Variants in MRPL21 observed in about 807,000 individuals in gnomAD.
MRPL21 encodes mitochondrial ribosomal protein L21, also known as large ribosomal subunit protein bL21m.
MRPL21 carries 20 observed loss-of-function variants against 27.3 expected under a neutral mutation model. That is an observed-to-expected ratio of 0.73 (90% confidence interval 0.52 to 1.06). The LOEUF is 1.06. Ranked by LOEUF, MRPL21 falls within the 50% of genes least tolerant of loss-of-function variation. The probability of loss-of-function intolerance (pLI) is 0.00; values close to 1 mark genes in which losing one functional copy is unlikely to be tolerated. For missense variants in MRPL21, 249 were observed against 251.4 expected, an observed-to-expected ratio of 0.99 and a Z score of 0.06; for synonymous variants, 98 against 101.5, an observed-to-expected ratio of 0.97 and a Z score of 0.21.
rs766559961 is a variant in MRPL21 at position 68,891,402 on chromosome 11, G to C, written c.554-7C>G. On this transcript the variant is annotated splice_polypyrimidine_tract_variant and splice_region_variant and intron_variant, in intron 6 of 6. Coordinates refer to ENST00000362034, the MANE Select transcript of MRPL21 (RefSeq NM_181514.2). ...GTCTGCGGGGTCGTGACGACTGAAA[G>C]AAAGGATGTCACAGGCTTGACCACA... is the stretch of plus-strand genomic sequence containing the variant. 4.9e-5 allele frequency: 79 copies of C among 1,613,822 alleles called. No individual in the cohort carries two copies. Among genetic ancestry groups the C allele is most frequent in the Non-Finnish European group, 6.5e-5 (77 of 1,179,946 alleles).
chr11:68,891,477 C>T, intron 6 of MRPL21, 82 bp from the exon 7 acceptor site: 1 of 1,416,268 alleles, frequency 7.1e-7, no homozygotes, highest in Non-Finnish European at 1.0e-6. Context: ...ACACAGCCCT[C>T]CCCAGCCAGC....
chr11:68,902,707 T>C (rs910929904), intron 1 of MRPL21, among the ~76,000 whole-genome samples: 1 of 152,244 alleles, frequency 6.6e-6, no homozygotes, highest in Non-Finnish European at 1.5e-5. Context: ...GTGTACATTC[T>C]ATGGATTTGG....
chr11:68,901,160 A>G lies in MRPL21; in HGVS notation c.89-555T>C, dbSNP rs563311568. Among the ~76,000 whole-genome samples, 16 of 152,308 alleles carry G rather than the reference A, an allele frequency of 1.1e-4. No individual in the cohort carries two copies. The East Asian group carries it at 2.7e-3, about 26-fold the overall frequency. The stretch of plus-strand genomic sequence containing the variant: ...GTCCACATGGCGGGGAACTAGGCCT[A>G]TCGCCAACACCCATGGGAACGACCT... On this transcript the variant is annotated intron_variant, in intron 1 of 6. Coordinates refer to ENST00000362034, the MANE Select transcript of MRPL21 (RefSeq NM_181514.2).
chr11:68,899,693 C>G (rs1044907521), intron 2 of MRPL21, among the ~76,000 whole-genome samples: 1 of 152,204 alleles, frequency 6.6e-6, no homozygotes, highest in African/African-American at 2.4e-5. Flanking sequence ...TAGGCACAAC[C>G]TACCCACATG....
At chr11:68,898,098 A>G in intron 2 of MRPL21, 86 bp from the exon 3 acceptor site, 1 of 1,113,578 alleles carries the variant, frequency 9.0e-7, no homozygotes, top group Non-Finnish European at 1.4e-6. Flanking sequence ...CACAAATGTT[A>G]GGAAGGGATC....
At chr11:68,901,916 G>T (rs1377694040) in intron 1 of MRPL21, among the ~76,000 whole-genome samples, 1 of 152,088 alleles carries the variant, frequency 6.6e-6, no homozygotes, top group African/African-American at 2.4e-5. Flanking sequence ...AGTTGCTCAG[G>T]CCCCAAACCT....
At chr11:68,894,485 A>G (rs1481330478) in intron 4 of MRPL21, among the ~76,000 whole-genome samples, 1 of 152,042 alleles carries the variant, frequency 6.6e-6, no homozygotes, top group Non-Finnish European at 1.5e-5. Flanking sequence ...GGGTTTCACC[A>G]TGTTGGCTAG....
Position 68,897,966 on chromosome 11 carries a change from C to G in MRPL21, c.193G>C (p.Val65Leu), listed in dbSNP as rs1857840903. 1 of 1,614,182 alleles carries G rather than the reference C, an allele frequency of 6.2e-7. No individual in the cohort carries two copies. The highest frequency in any genetic ancestry group is 8.5e-7 in the Non-Finnish European group (1 of 1,180,022). ...SLSSPPWPEVVLPDPVEETRH... is the reference protein window; with the variant it reads ...SLSSPPWPEVLLPDPVEETRH... ...GTCTCCTCAACTGGGTCTGGCAGAA[C>G]AACTTCTGGCCAAGGTGGTGAACTC... The change falls in exon 3 of 7, where the codon GTT becomes CTT. Residue 65 changes from valine (V) to leucine (L), a missense_variant. Transcript: ENST00000362034.
chr11:68,894,610 C>G (rs1044733820), intron 4 of MRPL21, among the ~76,000 whole-genome samples: 1 of 152,138 alleles, frequency 6.6e-6, no homozygotes, highest in Non-Finnish European at 1.5e-5. Context: ...TGTTGGAGAT[C>G]ATCTTAAATT....
intron 6 of MRPL21, chr11:68,892,519 G>T: frequency 8.8e-6 from 1 of 114,110 alleles, no homozygotes; most frequent in Non-Finnish European, 1.4e-5. Flanking sequence ...GCGAGGTGGG[G>T]TCACGCGCGG....
chr11:68,898,251 C>T (rs1857851098), intron 2 of MRPL21, among the ~76,000 whole-genome samples: 1 of 152,224 alleles, frequency 6.6e-6, no homozygotes, highest in South Asian at 2.1e-4. Context: ...CATTGTTCTG[C>T]AAAAGAGCCC....
intron 6 of MRPL21, chr11:68,892,000 C>T: frequency 2.0e-6 from 2 of 1,008,378 alleles, no homozygotes; most frequent in Non-Finnish European, 2.7e-6. Flanking sequence ...TTCACTGCTG[C>T]TTTGGGGACA....
chr11:68,894,767 A>T (rs1383778509), intron 4 of MRPL21, among the ~76,000 whole-genome samples: 1 of 152,180 alleles, frequency 6.6e-6, no homozygotes, highest in Admixed American at 6.5e-5. Flanking sequence ...TGACATGTGC[A>T]CTCCCACTGG....
Position 68,903,784 on chromosome 11 carries a change from G to C in MRPL21, c.27C>G (p.Thr9=), listed in dbSNP as rs199536176. 1.9e-6 allele frequency: 3 copies of C among 1,611,922 alleles called. No individual in the cohort carries two copies. Among genetic ancestry groups the C allele is most frequent in the Admixed American group, 3.3e-5 (2 of 60,006 alleles). The change falls in exon 1 of 7, where the codon ACC becomes ACG. Residue 9 remains threonine (T), a synonymous_variant. Transcript: ENST00000362034. MAASSLTV[T]LGRLASACSH... ...TGCACGCGGACGCCAGCCGCCCTAAGGTGACCGTCAGGGAAGATGCTGCCA... is the reference window on the plus strand; with the variant it reads ...TGCACGCGGACGCCAGCCGCCCTAACGTGACCGTCAGGGAAGATGCTGCCA...
intron 6 of MRPL21, chr11:68,892,584 G>A (rs1594402116): frequency 9.5e-7 from 1 of 1,054,452 alleles, no homozygotes; most frequent in East Asian, 3.0e-5. Flanking sequence ...TGGAGGAGAA[G>A]GGGAGCGAGG....
At chr11:68,901,864 C>T (rs1252934817) in intron 1 of MRPL21, among the ~76,000 whole-genome samples, 3 of 152,202 alleles carry the variant, frequency 2.0e-5, no homozygotes, top group Non-Finnish European at 2.9e-5. Context: ...GCCTGCTTCT[C>T]CCACACTCCT....
rs1857837047 is a variant in MRPL21 at position 68,897,870 on chromosome 11, G to A, written c.232+57C>T. ...TGGCCTGGTGACAACCTCTGTGGCT[G>A]ACTGGAGCAGGGTCTAGGTGGTGCC... is the stretch of plus-strand genomic sequence containing the variant. On this transcript the variant is annotated intron_variant, in intron 3 of 6. Coordinates refer to ENST00000362034, the MANE Select transcript of MRPL21 (RefSeq NM_181514.2). 19 of 1,351,954 alleles carry A rather than the reference G, an allele frequency of 1.4e-5. No homozygotes were observed. The South Asian group carries it at 2.0e-4, about 14-fold the overall frequency. The allele number at this position is 1,351,954 out of a possible 1,614,324, so 83.7% of individuals were successfully genotyped here. A position where few individuals can be genotyped will look rare whatever the true frequency, so the allele number is the denominator to read the frequency against.
intron 1 of MRPL21, 74 bp downstream of exon 1, chr11:68,903,649 G>T: frequency 6.7e-7 from 1 of 1,491,434 alleles, no homozygotes; most frequent in Non-Finnish European, 9.3e-7. Context: ...TCGGACCCAG[G>T]CACATACGTG....
chr11:68,894,442 G>A (rs982846223), intron 4 of MRPL21, among the ~76,000 whole-genome samples: 13 of 152,030 alleles, frequency 8.6e-5, no homozygotes, highest in African/African-American at 2.9e-4. Flanking sequence ...CACAAACCCC[G>A]GCTAATTTTT....
Sources: allele counts gnomAD v4.1 joint callset (sites outside exome capture counted in the v4.1 genomes callset), GRCh38; gene constraint gnomAD v4.1.1; transcripts MANE v1.5; gene names NCBI Gene and HGNC (gene_info 2026-07-23, HGNC 2026-07-21).